The following MARS1 variants were observed in gnomAD, a reference collection of about 807,000 sequenced individuals.
The protein encoded by MARS1 is methionyl-tRNA synthetase 1.
Under a neutral mutation model 119.5 loss-of-function variants are expected in MARS1, and 80 were observed. The ratio of observed to expected loss-of-function variants is 0.67; its 90% CI spans 0.56 to 0.81. MARS1 has a LOEUF of 0.81. Ranked by LOEUF, MARS1 falls within the 30% of genes least tolerant of loss-of-function variation. The pLI is 0.00. For missense variants in MARS1, 945 were observed against 1,116.5 expected, an observed-to-expected ratio of 0.85 and a Z score of 2.19; for synonymous variants, 418 against 433.4, an observed-to-expected ratio of 0.96 and a Z score of 0.44.
At chr12:57,502,736 A>C (rs1383234876) in intron 10 of MARS1, among the ~76,000 whole-genome samples, 4 of 150,804 alleles carry the variant, frequency 2.7e-5, no homozygotes, top group African/African-American at 7.3e-5. Context: ...ACAACAACAA[A>C]AAAAAAACAA....
intron 7 of MARS1, among the ~76,000 whole-genome samples, chr12:57,493,472 TATAATATATA>T (rs1876170041): frequency 1.8e-3 from 1 of 564 alleles, no homozygotes; most frequent in Non-Finnish European, 7.6e-3. Context: ...ATATATAATA[TATAATATATA>T]ATATATAATA....
chr12:57,514,949 C>A lies in MARS1; in HGVS notation c.2100-5C>A, dbSNP rs1877711871. 1 of 1,614,186 alleles carries A rather than the reference C, an allele frequency of 6.2e-7. No individual in the cohort carries two copies. The highest frequency in any genetic ancestry group is 8.5e-7 in the Non-Finnish European group (1 of 1,180,012). On this transcript the variant is annotated splice_region_variant and splice_polypyrimidine_tract_variant and intron_variant, in intron 16 of 20. Coordinates refer to ENST00000262027, the MANE Select transcript of MARS1 (RefSeq NM_004990.4). Reference sequence around the variant, plus strand: ...TACACCTTGGCCTGCTTCCTCCCTTCCCAGGATCCGGGATGCCTTGCGCAG... The same window carrying A: ...TACACCTTGGCCTGCTTCCTCCCTTACCAGGATCCGGGATGCCTTGCGCAG...
chr12:57,504,217 C>T lies in MARS1; in HGVS notation c.1294-8C>T. The stretch of plus-strand genomic sequence containing the variant: ...GCCTGATCTGTCCTCTGGAATTTTC[C>T]TTCGCAGAAGCCTCAGTGTAAAGTC... On this transcript the variant is annotated splice_region_variant and splice_polypyrimidine_tract_variant and intron_variant, in intron 10 of 20. Transcript: ENST00000262027. The T allele has an allele frequency of 6.2e-7, 1 of 1,613,020 alleles. No homozygotes were observed. The highest frequency in any genetic ancestry group is 1.1e-5 in the South Asian group (1 of 91,052).
rs200011880 is a variant in MARS1, at chr12:57,514,992, G to A, written c.2138G>A (p.Arg713Gln). 310 of 1,614,092 alleles carry A rather than the reference G, an allele frequency of 1.9e-4. No homozygotes were observed. The highest frequency in any genetic ancestry group is 2.4e-4 in the Non-Finnish European group (282 of 1,180,018). ...DALRSILTISRHGNQYIQVNE... is the reference protein window; with the variant it reads ...DALRSILTISQHGNQYIQVNE... ...TTGCGCAGTATCCTCACCATATCTC[G>A]ACATGGCAACCAATATATTCAGGTG... is the stretch of plus-strand genomic sequence containing the variant. Residue 713 changes from arginine to glutamine, a missense_variant, in exon 17 of 21, where the codon CGA becomes CAA. Coordinates refer to ENST00000262027, the MANE Select transcript of MARS1 (RefSeq NM_004990.4).
intron 1 of MARS1, 33 bp downstream of exon 1, chr12:57,488,232 G>A: frequency 6.3e-7 from 1 of 1,586,320 alleles, no homozygotes; most frequent in Non-Finnish European, 8.6e-7. Flanking sequence ...GCGGTGGATG[G>A]GGGGGCGGGA....
intron 11 of MARS1, among the ~76,000 whole-genome samples, chr12:57,505,526 G>C (rs1273229085): frequency 1.3e-5 from 2 of 152,090 alleles, no homozygotes; most frequent in Non-Finnish European, 2.9e-5. Context: ...AAAAAAAATA[G>C]GCTGGGCGCA....
At chr12:57,496,899 T>TG (rs1298651849) in intron 7 of MARS1, among the ~76,000 whole-genome samples, 5 of 152,170 alleles carry the variant, frequency 3.3e-5, no homozygotes, top group African/African-American at 1.2e-4. Flanking sequence ...TAAGCTGTGT[T>TG]GGGCTAGAGT....
At chr12:57,511,889 A>G (rs1231122772) in intron 12 of MARS1, 21 bp downstream of exon 12, 2 of 1,612,720 alleles carry the variant, frequency 1.2e-6, no homozygotes, top group African/African-American at 1.3e-5. Context: ...TTTTTTATTC[A>G]TATCATTCAG....
chr12:57,514,071 A>T (rs1308718507), intron 15 of MARS1, among the ~76,000 whole-genome samples: 1 of 151,006 alleles, frequency 6.6e-6, no homozygotes, highest in Non-Finnish European at 1.5e-5. Flanking sequence ...AAAAAAAAAA[A>T]AATTAAAAAA....
chr12:57,493,440 ACATAATATATAATATATTATAAT>A (rs1565639878), intron 7 of MARS1, among the ~76,000 whole-genome samples: 11,899 of 14,234 alleles, frequency 0.84, 5,750 homozygotes, highest in Middle Eastern at 1. Flanking sequence ...ATAATATATT[ACATAATATATAATATATTATAAT>A]ATATAATATA....
At chr12:57,512,637 T>C in intron 14 of MARS1, 114 bp from the exon 15 acceptor site, 3 of 863,246 alleles carry the variant, frequency 3.5e-6, no homozygotes, top group Non-Finnish European at 5.6e-6. Flanking sequence ...AGGAGAAATG[T>C]TGCTAGACAC....
At position 57,512,619 on chromosome 12, in the gene MARS1, G is replaced by T. The variant is rs1024673928; in HGVS notation, c.1754-132G>T. The T allele has an allele frequency of 1.8e-5, 14 of 758,668 alleles. No individual in the cohort carries two copies. The Admixed American group carries it at 3.4e-4, about 18-fold the overall frequency. The allele number at this position is 758,668 out of a possible 1,614,324, so 47.0% of individuals were successfully genotyped here. Reference sequence around the variant, plus strand: ...GGACTCCCAAAATCTGAGCATACCAGCCCCTTAAGGAGAAATGTTGCTAGA... The same window carrying T: ...GGACTCCCAAAATCTGAGCATACCATCCCCTTAAGGAGAAATGTTGCTAGA... On this transcript the variant is annotated intron_variant, in intron 14 of 20. Coordinates refer to ENST00000262027, the MANE Select transcript of MARS1 (RefSeq NM_004990.4).
Position 57,514,969 on chromosome 12 carries a change from G to A in MARS1, c.2115G>A (p.Leu705=), listed in dbSNP as rs1372985175. Reference sequence around the variant, plus strand: ...CCCTTCCCAGGATCCGGGATGCCTTGCGCAGTATCCTCACCATATCTCGAC... The same window carrying A: ...CCCTTCCCAGGATCCGGGATGCCTTACGCAGTATCCTCACCATATCTCGAC... ...LLEKVRIRDA[L]RSILTISRHG... The change falls in exon 17 of 21, where the codon TTG becomes TTA. Residue 705 remains leucine (L), a synonymous_variant. Transcript: ENST00000262027. 4 of 1,614,088 alleles carry A rather than the reference G, an allele frequency of 2.5e-6. No homozygotes were observed. In the African/African-American group the frequency reaches 4.0e-5, roughly 16 times the overall value.
Position 57,514,785 on chromosome 12 carries a change from A to G in MARS1, c.2033A>G (p.Asp678Gly), listed in dbSNP as rs1205620243. The G allele has an allele frequency of 6.2e-7, 1 of 1,614,172 alleles. No individual in the cohort carries two copies. The change falls in exon 16 of 21, where the codon GAT becomes GGT. Residue 678 changes from aspartate (D) to glycine (G), a missense_variant. By Grantham distance (94) the Asp-to-Gly change is moderately conservative (BLOSUM62 -1). Coordinates refer to ENST00000262027, the MANE Select transcript of MARS1 (RefSeq NM_004990.4). ...YVPEMVLTPD[D>G]QRLLAHVTLE... is the part of the protein sequence containing the mutation. ...CCTGAGATGGTGCTCACCCCTGATG[A>G]TCAGCGCCTGCTGGCCCATGTCACC...
intron 11 of MARS1, among the ~76,000 whole-genome samples, chr12:57,508,433 C>T (rs1456817251): frequency 5.9e-5 from 9 of 152,256 alleles, no homozygotes; most frequent in South Asian, 2.1e-4. Context: ...CCGAGGCTGG[C>T]GGATCACTGG....
At chr12:57,493,226 C>A (rs1356894040) in intron 7 of MARS1, among the ~76,000 whole-genome samples, 1 of 139,300 alleles carries the variant, frequency 7.2e-6, no homozygotes, top group Non-Finnish European at 1.5e-5. Flanking sequence ...GCCAAATGTT[C>A]TGTAGATATT....
chr12:57,514,886 A>G (rs192296177), intron 16 of MARS1, 35 bp downstream of exon 16: 1 of 1,613,314 alleles, frequency 6.2e-7, no homozygotes, highest in African/African-American at 1.3e-5. Context: ...TTCTGCTGGC[A>G]TGTTGAGAGC....
intron 7 of MARS1, among the ~76,000 whole-genome samples, chr12:57,493,807 A>ATTATATATTATAT (rs1565641183): frequency 5.5e-4 from 1 of 1,824 alleles, no homozygotes. Context: ...TATATTATAT[A>ATTATATATTATAT]ATGTATATTA....
intron 11 of MARS1, among the ~76,000 whole-genome samples, chr12:57,505,816 G>A (rs571368562): frequency 1.3e-5 from 2 of 149,074 alleles, no homozygotes; most frequent in African/African-American, 5.0e-5. Context: ...TATCTCTAAA[G>A]CATAAAAAAA....
Sources: allele counts gnomAD v4.1 joint callset (sites outside exome capture counted in the v4.1 genomes callset), GRCh38; gene constraint gnomAD v4.1.1; transcripts MANE v1.5; gene names NCBI Gene and HGNC (gene_info 2026-07-23, HGNC 2026-07-21).